The following WDR54 variants were observed in gnomAD, a reference collection of about 807,000 sequenced individuals.
The protein encoded by WDR54 is WD repeat-containing protein 54.
In WDR54, 44 loss-of-function variants were observed where a neutral mutation model predicts 44.1. The ratio of observed to expected loss-of-function variants is 1.00; its 90% CI spans 0.78 to 1.28. The LOEUF (loss-of-function observed/expected upper bound fraction) is 1.28, where lower values mean the gene tolerates loss of function less well. WDR54 is among the 50% of genes most tolerant of loss of function. The pLI is 0.00. For synonymous variants in WDR54, 169 were observed against 169.8 expected (o/e 1.00, Z 0.04); for missense variants, 409 against 429.7 (o/e 0.95, Z 0.43).
At chr2:74,422,035 C>A (rs1676643034) in intron 1 of WDR54, 118 bp from the exon 2 acceptor site, 2 of 1,072,018 alleles carry the variant, frequency 1.9e-6, no homozygotes, top group Admixed American at 1.9e-5. Context: ...CCTCTGGGCA[C>A]CCCATCCTAT....
intron 2 of WDR54, 133 bp from the exon 3 acceptor site, chr2:74,422,737 G>A: frequency 1.2e-6 from 1 of 821,616 alleles, no homozygotes; most frequent in South Asian, 1.7e-5. Context: ...AGGTTGCAGT[G>A]AGCCGAGATG....
intron 3 of WDR54, 116 bp downstream of exon 3, chr2:74,423,048 C>T: frequency 2.7e-6 from 3 of 1,106,592 alleles, no homozygotes; most frequent in Non-Finnish European, 4.1e-6. Context: ...GCTTGGCCCA[C>T]TCACTCTTTT....
Position 74,421,847 on chromosome 2 carries a change from A to G in WDR54, c.-2+31A>G, listed in dbSNP as rs906799541. 7.7e-6 allele frequency: 5 copies of G among 645,272 alleles called. No homozygotes were observed. In the Admixed American group the frequency reaches 1.4e-4, roughly 18 times the overall value. The allele number at this position is 645,272 out of a possible 1,614,324, so 40.0% of individuals were successfully genotyped here. A position where few individuals can be genotyped will look rare whatever the true frequency, so the allele number is the denominator to read the frequency against. On this transcript the variant is annotated intron_variant, in intron 1 of 9. Coordinates refer to ENST00000348227, the MANE Select transcript of WDR54 (RefSeq NM_032118.4). The stretch of plus-strand genomic sequence containing the variant: ...ACCTCTGATCTAGGCCGGGGGCTTC[A>G]GGGATCCGAGCCGAGGGAGAAAGCC...
chr2:74,423,499 G>T lies in WDR54; in HGVS notation c.374G>T (p.Gly125Val). The T allele has an allele frequency of 1.2e-6, 2 of 1,614,034 alleles. No homozygotes were observed. The highest frequency in any genetic ancestry group is 1.7e-6 in the Non-Finnish European group (2 of 1,179,920). ...TCAGTACAGGCTGTGTTTGCCCGGGGAATTGCTGCCAGTGGCCACTTCATC... is the reference window on the plus strand; with the variant it reads ...TCAGTACAGGCTGTGTTTGCCCGGGTAATTGCTGCCAGTGGCCACTTCATC... ...ASPVQAVFAR[G>V]IAASGHFICV... The change falls in exon 5 of 10, where the codon GGA (glycine) becomes GTA (valine). Residue 125 changes from glycine (G) to valine (V), a missense_variant. Physicochemically the swap from Gly to Val is moderately radical, Grantham distance 109. Coordinates refer to ENST00000348227, the MANE Select transcript of WDR54 (RefSeq NM_032118.4).
intron 8 of WDR54, 60 bp downstream of exon 8, chr2:74,425,297 C>A (rs758975898): frequency 1.3e-6 from 2 of 1,546,562 alleles, no homozygotes; most frequent in Non-Finnish European, 1.7e-6. Flanking sequence ...GTTGAGAGAA[C>A]ACCACAGGCT....
chr2:74,423,272 A>C, intron 3 of WDR54, 47 bp from the exon 4 acceptor site: 1 of 1,599,738 alleles, frequency 6.3e-7, no homozygotes, highest in African/African-American at 1.3e-5. Context: ...AGTACTCAGC[A>C]GAGGTCAGTT....
At position 74,422,803 on chromosome 2, in the gene WDR54, A is replaced by C. The variant is rs575682924; in HGVS notation, c.223-67A>C. On this transcript the variant is annotated intron_variant, in intron 2 of 9. Coordinates refer to ENST00000348227, the MANE Select transcript of WDR54 (RefSeq NM_032118.4). Reference sequence around the variant, plus strand: ...GCAAGACTCCGTCCCCCAAAAAAAAAAAAAAAACAAACAAACTCATCTTCC... The same window carrying C: ...GCAAGACTCCGTCCCCCAAAAAAAACAAAAAAACAAACAAACTCATCTTCC... The C allele has an allele frequency of 8.8e-5, 127 of 1,446,536 alleles. 2 individuals carry two copies. Among genetic ancestry groups the C allele is most frequent in the East Asian group, 4.8e-4 (21 of 43,906 alleles). The allele number at this position is 1,446,536 out of a possible 1,614,324, so 89.6% of individuals were successfully genotyped here.
chr2:74,424,024 C>T (rs1197698081), intron 6 of WDR54, 42 bp downstream of exon 6: 1 of 1,611,482 alleles, frequency 6.2e-7, no homozygotes, highest in Admixed American at 1.7e-5. Context: ...CTTCCCCACC[C>T]TGGGAGGCAG....
chr2:74,422,098 T>A, intron 1 of WDR54, 55 bp from the exon 2 acceptor site: 2 of 1,568,738 alleles, frequency 1.3e-6, no homozygotes, highest in Non-Finnish European at 1.7e-6. Context: ...CCCTCGGGCA[T>A]CTCCGCTGCG....
At position 74,424,818 on chromosome 2, in the gene WDR54, G is replaced by A. The variant is rs1377659398; in HGVS notation, c.535-57G>A. 7 of 1,606,622 alleles carry A rather than the reference G, an allele frequency of 4.4e-6. No homozygotes were observed. The East Asian group carries it at 1.3e-4, about 31-fold the overall frequency. On this transcript the variant is annotated intron_variant, in intron 6 of 9. Transcript: ENST00000348227. ...ACTGCCTCCCTTCCCCTCCTGCCCT[G>A]TATACAGGACCATAGCAGGGGAGAA...
Position 74,425,629 on chromosome 2 carries a change from T to G in WDR54, c.933T>G (p.Cys311Trp). Residue 311 changes from cysteine (C) to tryptophan (W), a missense_variant, in exon 10 of 10, where the codon TGT becomes TGG. Transcript: ENST00000348227. ...CCCAGCTGTGTGGTGCTCGATTTTG[T>G]GATTCCTCAGGCAACTCCTTTGCTG... ...ADTQLCGARF[C>W]DSSGNSFAVT... is the part of the protein sequence containing the mutation. 1 of 1,614,242 alleles carries G rather than the reference T, an allele frequency of 6.2e-7. No homozygotes were observed. The highest frequency in any genetic ancestry group is 1.1e-5 in the South Asian group (1 of 91,092).
intron 5 of WDR54, 75 bp from the exon 6 acceptor site, chr2:74,423,780 G>A (rs1238901073): frequency 5.4e-5 from 85 of 1,582,316 alleles, no homozygotes; most frequent in Non-Finnish European, 7.1e-5. Context: ...CTGGGATGGA[G>A]TAAGTGTTGA....
At chr2:74,424,826 G>T in intron 6 of WDR54, 49 bp from the exon 7 acceptor site, 1 of 1,605,484 alleles carries the variant, frequency 6.2e-7, no homozygotes, top group South Asian at 1.1e-5. Context: ...CTGTATACAG[G>T]ACCATAGCAG....
chr2:74,422,294 T>C lies in WDR54; in HGVS notation c.141T>C (p.Ala47=), dbSNP rs1437640529. Residue 47 remains alanine, a synonymous_variant, in exon 2 of 10, where the codon GCT becomes GCC. Transcript: ENST00000348227. ...VHGPSAQLLS[A]APEGVPLAQR... is the part of the protein sequence containing the mutation. ...GACCAAGCGCCCAGCTTCTCAGCGC[T>C]GCTCCTGAGGGTGTGCCCTTGGCCC... 7 of 1,614,248 alleles carry C rather than the reference T, an allele frequency of 4.3e-6. No homozygotes were observed. In the South Asian group the frequency reaches 5.5e-5, roughly 13 times the overall value.
chr2:74,425,602 C>T lies in WDR54; in HGVS notation c.906C>T (p.Asp302=). Residue 302 remains aspartate, a synonymous_variant, in exon 10 of 10, where the codon GAC becomes GAT. Transcript: ENST00000348227. ...ACTGTCATGGTGAGTGTGTCGCCGA[C>T]ACCCAGCTGTGTGGTGCTCGATTTT... ...VEHCHGECVA[D]TQLCGARFCD... is the part of the protein sequence containing the mutation. The T allele has an allele frequency of 6.2e-7, 1 of 1,614,244 alleles. No homozygotes were observed. Among genetic ancestry groups the T allele is most frequent in the Non-Finnish European group, 8.5e-7 (1 of 1,180,046 alleles).
At chr2:74,423,614 T>G (rs187733681) in intron 5 of WDR54, 83 bp downstream of exon 5, 1 of 1,565,464 alleles carries the variant, frequency 6.4e-7, no homozygotes, top group African/African-American at 1.4e-5. Context: ...CTGAGGAAAT[T>G]GTGGAAAGTT....
chr2:74,422,170 G>C lies in WDR54; in HGVS notation c.17G>C (p.Arg6Pro). 6.2e-7 allele frequency: 1 copy of C among 1,612,872 alleles called. No individual in the cohort carries two copies. Among genetic ancestry groups the C allele is most frequent in the Non-Finnish European group, 8.5e-7 (1 of 1,179,856 alleles). MFRWE[R>P]SIPLRGSAAA... ...CCACACAGGATGTTCCGCTGGGAGCGCTCCATTCCCCTGCGAGGCTCGGCC... is the reference window on the plus strand; with the variant it reads ...CCACACAGGATGTTCCGCTGGGAGCCCTCCATTCCCCTGCGAGGCTCGGCC... The change falls in exon 2 of 10, where the codon CGC becomes CCC. Residue 6 changes from arginine (R) to proline (P), a missense_variant. Arg to Pro is a moderately radical substitution (Grantham distance 103). Coordinates refer to ENST00000348227, the MANE Select transcript of WDR54 (RefSeq NM_032118.4).
chr2:74,423,502 T>C lies in WDR54; in HGVS notation c.377T>C (p.Ile126Thr), dbSNP rs772568806. The C allele has an allele frequency of 1.2e-6, 2 of 1,614,002 alleles. No individual in the cohort carries two copies. Among genetic ancestry groups the C allele is most frequent in the South Asian group, 1.1e-5 (1 of 91,074 alleles). Reference protein sequence around the residue: ...SPVQAVFARGIAASGHFICVG... With the variant: ...SPVQAVFARGTAASGHFICVG... ...GTACAGGCTGTGTTTGCCCGGGGAATTGCTGCCAGTGGCCACTTCATCTGT... is the reference window on the plus strand; with the variant it reads ...GTACAGGCTGTGTTTGCCCGGGGAACTGCTGCCAGTGGCCACTTCATCTGT... The change falls in exon 5 of 10, where the codon ATT becomes ACT. Residue 126 changes from isoleucine to threonine, a missense_variant. Ile to Thr is a moderately conservative substitution (Grantham distance 89, BLOSUM62 -1). Transcript: ENST00000348227.
chr2:74,422,793 C>CA (rs201792044), intron 2 of WDR54, 77 bp from the exon 3 acceptor site: 217,706 of 907,808 alleles, frequency 0.24, 2,960 homozygotes, highest in Non-Finnish European at 0.25. Flanking sequence ...ACTCCGTCCC[C>CA]CAAAAAAAAA....
Sources: gnomAD v4.1 joint callset for allele counts on GRCh38, gnomAD v4.1.1 for gene constraint, MANE v1.5 for transcripts, NCBI Gene and HGNC (gene_info 2026-07-23, HGNC 2026-07-21) for gene names.